Variants in LRRTM4 observed in about 807,000 individuals in gnomAD.
The protein encoded by LRRTM4 is leucine-rich repeat transmembrane neuronal protein 4.
LRRTM4 carries 25 observed loss-of-function variants against 47.6 expected under a neutral mutation model. The observed-to-expected ratio is 0.53, with a 90% CI of 0.38 to 0.73. The LOEUF (loss-of-function observed/expected upper bound fraction) is 0.73. Among genes scored for constraint, LRRTM4 ranks in the 30% least tolerant of loss-of-function variants. The probability of loss-of-function intolerance (pLI) is 0.00; values close to 1 mark genes in which losing one functional copy is unlikely to be tolerated. For synonymous variants in LRRTM4, 311 were observed against 269.5 expected, an observed-to-expected ratio of 1.15 and a Z score of -1.51; for missense variants, 638 against 713.4, an observed-to-expected ratio of 0.89 and a Z score of 1.20.
chr2:77,138,776 A>T (rs944101254), intron 3 of LRRTM4, among the ~76,000 whole-genome samples: 8 of 152,196 alleles, frequency 5.3e-5, no homozygotes, highest in Non-Finnish European at 1.2e-4. Flanking sequence ...CGCAATAAAA[A>T]ATGATAAAGG....
At chr2:77,411,629 T>A (rs1674442174) in intron 3 of LRRTM4, among the ~76,000 whole-genome samples, 1 of 141,936 alleles carries the variant, frequency 7.0e-6, no homozygotes, top group South Asian at 2.3e-4. Flanking sequence ...TTTTTTTTTT[T>A]TTTTTTTTTT....
intron 3 of LRRTM4, among the ~76,000 whole-genome samples, chr2:76,839,394 C>T (rs186469620): frequency 2.0e-5 from 3 of 152,118 alleles, no homozygotes; most frequent in Admixed American, 2.0e-4. Context: ...ATTTTACTGC[C>T]CTTAAGTTCT....
At chr2:77,412,798 T>C (rs904372268) in intron 3 of LRRTM4, among the ~76,000 whole-genome samples, 1 of 152,196 alleles carries the variant, frequency 6.6e-6, no homozygotes, top group Non-Finnish European at 1.5e-5. Context: ...ATAAGCAGCA[T>C]GGGATGGCTG....
At chr2:77,137,349 C>T (rs1014474716) in intron 3 of LRRTM4, among the ~76,000 whole-genome samples, 4 of 151,872 alleles carry the variant, frequency 2.6e-5, no homozygotes, top group Non-Finnish European at 5.9e-5. Flanking sequence ...AATTTTCAAC[C>T]CAGAATTTCA....
At chr2:77,120,089 A>G (rs1047139594) in intron 3 of LRRTM4, among the ~76,000 whole-genome samples, 10 of 151,818 alleles carry the variant, frequency 6.6e-5, no homozygotes, top group African/African-American at 2.4e-5. Context: ...TGAAAATACC[A>G]TCACTATTCT....
intron 3 of LRRTM4, among the ~76,000 whole-genome samples, chr2:76,988,063 TTATACTC>T (rs1235449225): frequency 6.6e-6 from 1 of 151,880 alleles, no homozygotes; most frequent in African/African-American, 2.4e-5. Flanking sequence ...GATACTTTCT[TTATACTC>T]TAGCTCTGGG....
intron 3 of LRRTM4, among the ~76,000 whole-genome samples, chr2:76,788,276 C>A (rs1008274937): frequency 1.3e-5 from 2 of 152,144 alleles, no homozygotes; most frequent in African/African-American, 2.4e-5. Flanking sequence ...TGAGAGGGGA[C>A]AACATCTGAG....
At chr2:76,780,100 T>C (rs898702524) in intron 3 of LRRTM4, among the ~76,000 whole-genome samples, 2 of 152,258 alleles carry the variant, frequency 1.3e-5, no homozygotes, top group Non-Finnish European at 2.9e-5. Flanking sequence ...CCCACTCTCT[T>C]CTGGCTTGCA....
chr2:77,284,261 G>A (rs1403885032), intron 3 of LRRTM4, among the ~76,000 whole-genome samples: 1 of 151,968 alleles, frequency 6.6e-6, no homozygotes, highest in Non-Finnish European at 1.5e-5. Context: ...GTCTGTTAGC[G>A]ATAATTATCA....
intron 3 of LRRTM4, among the ~76,000 whole-genome samples, chr2:76,955,556 G>A (rs1258986795): frequency 6.6e-6 from 1 of 151,756 alleles, no homozygotes; most frequent in Admixed American, 6.6e-5. Flanking sequence ...AAAGCTACAA[G>A]ACAGCGATAT....
intron 3 of LRRTM4, among the ~76,000 whole-genome samples, chr2:77,418,792 A>G (rs1271943544): frequency 1.3e-5 from 2 of 152,154 alleles, no homozygotes; most frequent in African/African-American, 4.8e-5. Context: ...TCACTTTGTT[A>G]AAAAGATCTT....
At chr2:77,495,661 C>G (rs1199428663) in intron 3 of LRRTM4, among the ~76,000 whole-genome samples, 2 of 151,954 alleles carry the variant, frequency 1.3e-5, no homozygotes, top group Non-Finnish European at 2.9e-5. Context: ...CCTGAACTGC[C>G]TTTGCACTTT....
intron 3 of LRRTM4, among the ~76,000 whole-genome samples, chr2:76,908,966 C>T (rs2103772021): frequency 6.6e-6 from 1 of 152,302 alleles, no homozygotes; most frequent in East Asian, 1.9e-4. Flanking sequence ...CTACCAATGC[C>T]TTTCTTCACA....
intron 3 of LRRTM4, among the ~76,000 whole-genome samples, chr2:77,073,825 A>G (rs1680244387): frequency 6.6e-6 from 1 of 152,024 alleles, no homozygotes; most frequent in Admixed American, 6.6e-5. Flanking sequence ...CACTATGGCT[A>G]AATCTGTGAC....
intron 3 of LRRTM4, among the ~76,000 whole-genome samples, chr2:76,932,388 A>C (rs1412349237): frequency 1.3e-5 from 2 of 152,108 alleles, no homozygotes; most frequent in African/African-American, 4.8e-5. Context: ...TATAATCTCC[A>C]ACATGTATAC....
At chr2:77,014,815 GA>G (rs1478411632) in intron 3 of LRRTM4, among the ~76,000 whole-genome samples, 1 of 151,318 alleles carries the variant, frequency 6.6e-6, no homozygotes, top group Non-Finnish European at 1.5e-5. Context: ...CTGTCTCAAA[GA>G]AAAAAAATTA....
chr2:76,775,289 A>G (rs1294392657), intron 3 of LRRTM4, among the ~76,000 whole-genome samples: 1 of 152,124 alleles, frequency 6.6e-6, no homozygotes, highest in African/African-American at 2.4e-5. Flanking sequence ...GTTATCTTCC[A>G]CAACATTGGC....
chr2:77,178,320 G>T (rs1465238231), intron 3 of LRRTM4, among the ~76,000 whole-genome samples: 1 of 152,106 alleles, frequency 6.6e-6, no homozygotes, highest in African/African-American at 2.4e-5. Context: ...GGGCGCGGTG[G>T]CTCATGCCTG....
chr2:77,217,070 C>CAA (rs553127745), intron 3 of LRRTM4, among the ~76,000 whole-genome samples: 10 of 84,124 alleles, frequency 1.2e-4, no homozygotes, highest in Non-Finnish European at 1.5e-4. Flanking sequence ...GAGACTCTGT[C>CAA]AAAAAAAAAA....
Sources: gnomAD v4.1 joint callset for allele counts (sites outside exome capture counted in the v4.1 genomes callset) on GRCh38, gnomAD v4.1.1 for gene constraint, MANE v1.5 for transcripts, NCBI Gene and HGNC (gene_info 2026-07-23, HGNC 2026-07-21) for gene names.